Variants in PCCB observed in about 807,000 individuals in gnomAD.
PCCB encodes propionyl-CoA carboxylase beta chain, mitochondrial.
A neutral mutation model predicts 60.7 loss-of-function variants in PCCB; 43 were observed. The ratio of observed to expected loss-of-function variants is 0.71; its 90% CI spans 0.55 to 0.91. PCCB has a LOEUF of 0.91. PCCB is among the 40% of genes least tolerant of loss of function. PCCB has a pLI of 0.00. For synonymous variants in PCCB, 276 were observed against 255.9 expected, an observed-to-expected ratio of 1.08 and a Z score of -0.75; for missense variants, 766 against 702.8, an observed-to-expected ratio of 1.09 and a Z score of -1.02.
intron 9 of PCCB, among the ~76,000 whole-genome samples, chr3:136,312,689 T>C (rs967977115): frequency 3.3e-5 from 5 of 152,192 alleles, no homozygotes. Flanking sequence ...TCTGAAACCT[T>C]AGGGGAAGGT....
chr3:136,254,568 T>C (rs1294993609), intron 1 of PCCB, among the ~76,000 whole-genome samples: 3 of 140,686 alleles, frequency 2.1e-5, no homozygotes, highest in Non-Finnish European at 3.0e-5. Context: ...GTTCTCGCTT[T>C]GTTGCTCAGG....
chr3:136,252,127 C>A (rs140707571), intron 1 of PCCB, among the ~76,000 whole-genome samples: 3 of 151,924 alleles, frequency 2.0e-5, no homozygotes, highest in African/African-American at 7.3e-5. Context: ...AGTGATTCAC[C>A]CACCTTGGCG....
intron 5 of PCCB, among the ~76,000 whole-genome samples, 165 bp downstream of exon 5, chr3:136,262,230 G>A (rs1474112398): frequency 6.6e-6 from 1 of 152,186 alleles, no homozygotes; most frequent in Non-Finnish European, 1.5e-5. Flanking sequence ...TAGATGAAAA[G>A]CAAGAGAGAG....
chr3:136,283,788 G>C (rs774669215), intron 5 of PCCB, 49 bp from the exon 6 acceptor site: 3 of 1,237,224 alleles, frequency 2.4e-6, no homozygotes, highest in Non-Finnish European at 3.6e-6. Context: ...CACAGATAAT[G>C]CCTCAAACAT....
At chr3:136,282,695 T>TA (rs937310296) in intron 5 of PCCB, among the ~76,000 whole-genome samples, 2 of 152,176 alleles carry the variant, frequency 1.3e-5, no homozygotes, top group African/African-American at 4.8e-5. Context: ...GAACTATACT[T>TA]ATGCAGTGTT....
chr3:136,283,999 T>TAAGG, intron 6 of PCCB, 52 bp downstream of exon 6: 2 of 1,084,770 alleles, frequency 1.8e-6, no homozygotes, highest in Non-Finnish European at 2.9e-6. Context: ...TGCAGTTCCT[T>TAAGG]ACCTGCAATA....
intron 7 of PCCB, 100 bp downstream of exon 7, chr3:136,293,964 C>A (rs897539246): frequency 1.3e-6 from 1 of 754,390 alleles, no homozygotes; most frequent in Non-Finnish European, 2.4e-6. Flanking sequence ...ACTTAATTGG[C>A]AGACCTTATT....
At chr3:136,301,670 T>G (rs572336661) in intron 9 of PCCB, among the ~76,000 whole-genome samples, 1 of 152,128 alleles carries the variant, frequency 6.6e-6, no homozygotes, top group Non-Finnish European at 1.5e-5. Context: ...AAGGGTACAC[T>G]GTGCTCTCGG....
intron 3 of PCCB, among the ~76,000 whole-genome samples, chr3:136,258,903 G>C (rs1004101942): frequency 4.6e-5 from 7 of 151,774 alleles, no homozygotes; most frequent in Admixed American, 3.9e-4. Flanking sequence ...CCCCACTGCA[G>C]GTGTGTAAGC....
intron 8 of PCCB, among the ~76,000 whole-genome samples, chr3:136,298,522 C>G (rs1215860695): frequency 6.6e-6 from 1 of 152,134 alleles, no homozygotes; most frequent in Non-Finnish European, 1.5e-5. Context: ...TGGGCTCTAC[C>G]TAGTTGTCCT....
At chr3:136,314,016 G>A (rs1373406474) in intron 9 of PCCB, among the ~76,000 whole-genome samples, 1 of 149,358 alleles carries the variant, frequency 6.7e-6, no homozygotes, top group Non-Finnish European at 1.5e-5. Context: ...CTGGACTTTG[G>A]ACGTTTTAGA....
At chr3:136,305,391 C>T (rs1934422180) in intron 9 of PCCB, among the ~76,000 whole-genome samples, 1 of 121,826 alleles carries the variant, frequency 8.2e-6, no homozygotes, top group Admixed American at 9.8e-5. Flanking sequence ...TGCACCTAGA[C>T]CATATATTTA....
chr3:136,283,434 T>C (rs1365083056), intron 5 of PCCB, among the ~76,000 whole-genome samples: 1 of 152,136 alleles, frequency 6.6e-6, no homozygotes, highest in African/African-American at 2.4e-5. Context: ...GAGGTCAGGG[T>C]GCCAAGATAA....
chr3:136,309,262 C>CAAAAA (rs1202774808), intron 9 of PCCB, among the ~76,000 whole-genome samples: 13 of 46,236 alleles, frequency 2.8e-4, no homozygotes, highest in East Asian at 1.1e-3. Flanking sequence ...GACTCCATCT[C>CAAAAA]AAAAAAAAAA....
chr3:136,277,957 G>T (rs1942376218), intron 5 of PCCB, among the ~76,000 whole-genome samples: 1 of 152,168 alleles, frequency 6.6e-6, no homozygotes, highest in Non-Finnish European at 1.5e-5. Flanking sequence ...CCCCTGGGAG[G>T]TATGGGTTCT....
At chr3:136,309,684 C>T (rs538981609) in intron 9 of PCCB, among the ~76,000 whole-genome samples, 3 of 151,990 alleles carry the variant, frequency 2.0e-5, no homozygotes, top group African/African-American at 7.2e-5. Flanking sequence ...CCTATAGTCC[C>T]AGCTACTTGA....
In PCCB at chr3:136,262,064, T is replaced by C; in HGVS notation, c.542T>C (p.Leu181Pro). 6.5e-7 allele frequency: 1 copy of C among 1,535,724 alleles called. No homozygotes were observed. Among genetic ancestry groups the C allele is most frequent in the Non-Finnish European group, 8.8e-7 (1 of 1,131,304 alleles). The change falls in exon 5 of 15, where the codon CTG (leucine) becomes CCG (proline). Residue 181 changes from leucine to proline, a missense_variant and splice_region_variant. Coordinates refer to ENST00000251654, the MANE Select transcript of PCCB (RefSeq NM_000532.5). ...ESLAGYADIF[L>P]RNVTASGVIP... Reference sequence around the variant, plus strand: ...TTGGCTGGCTATGCAGACATCTTTCTGGTGAGAAACCTGTTAATAGAGAAT... The same window carrying C: ...TTGGCTGGCTATGCAGACATCTTTCCGGTGAGAAACCTGTTAATAGAGAAT...
chr3:136,268,049 AGTGTGTGTGTGTGTGCGTGT>A (rs1311876890), intron 5 of PCCB, among the ~76,000 whole-genome samples: 2 of 83,940 alleles, frequency 2.4e-5, no homozygotes, highest in African/African-American at 8.5e-5. Context: ...AAACCTGGCT[AGTGTGTGTGTGTGTGCGTGT>A]GTGTGTGTGT....
chr3:136,329,852 GT>G, intron 14 of PCCB, 52 bp from the exon 15 acceptor site: 2 of 1,604,572 alleles, frequency 1.2e-6, no homozygotes, highest in Non-Finnish European at 1.7e-6. Context: ...AGGTTGAGGG[GT>G]GGCATCATCT....
Sources: allele counts gnomAD v4.1 joint callset (sites outside exome capture counted in the v4.1 genomes callset), GRCh38; gene constraint gnomAD v4.1.1; transcripts MANE v1.5; gene names NCBI Gene and HGNC (gene_info 2026-07-23, HGNC 2026-07-21).